CDH26: variants seen among roughly 807,000 people sequenced by gnomAD.
The protein encoded by CDH26 is cadherin-like protein 26.
In CDH26, 83 loss-of-function variants were observed where a neutral mutation model predicts 90.3. The observed-to-expected ratio is 0.92, with a 90% CI of 0.77 to 1.10. The LOEUF (loss-of-function observed/expected upper bound fraction) is 1.10, where lower values mean the gene tolerates loss of function less well. Among genes scored for constraint, CDH26 ranks in the 50% least tolerant of loss-of-function variants. The pLI is 0.00. For missense variants in CDH26, 1,013 were observed against 1,037.6 expected (o/e 0.98, Z 0.33); for synonymous variants, 397 against 396.3 (o/e 1.00, Z -0.02).
intron 1 of CDH26, among the ~76,000 whole-genome samples, chr20:59,960,957 T>TAATAGGGGG (rs1385397035): frequency 6.6e-6 from 1 of 152,120 alleles, no homozygotes; most frequent in Non-Finnish European, 1.5e-5. Context: ...CCAATAAACA[T>TAATAGGGGG]AATAGGGGGA....
chr20:59,996,881 G>C (rs2061605239), intron 13 of CDH26, 120 bp downstream of exon 13: 1 of 1,322,068 alleles, frequency 7.6e-7, no homozygotes, highest in Non-Finnish European at 1.0e-6. Flanking sequence ...CCGTGTTTCA[G>C]TAGCAAGTGG....
chr20:59,994,142 G>C, intron 10 of CDH26, 108 bp from the exon 11 acceptor site: 1 of 1,401,930 alleles, frequency 7.1e-7, no homozygotes, highest in Non-Finnish European at 9.8e-7. Flanking sequence ...AAGGGAAACA[G>C]TTCCAGTATT....
At chr20:59,960,646 A>C (rs2061057865) in intron 1 of CDH26, among the ~76,000 whole-genome samples, 1 of 152,254 alleles carries the variant, frequency 6.6e-6, no homozygotes. Flanking sequence ...TTGTAGCCAA[A>C]GATAATTATT....
At chr20:59,983,962 T>C (rs1158173780) in intron 5 of CDH26, among the ~76,000 whole-genome samples, 1 of 152,234 alleles carries the variant, frequency 6.6e-6, no homozygotes, top group Non-Finnish European at 1.5e-5. Context: ...ATTTATGTTT[T>C]TTTGCCACTT....
chr20:59,965,180 G>A (rs756942514), intron 1 of CDH26, among the ~76,000 whole-genome samples: 3 of 152,054 alleles, frequency 2.0e-5, no homozygotes, highest in East Asian at 1.9e-4. Flanking sequence ...AAATATTATC[G>A]TTAGCCCTGA....
chr20:60,027,169 A>T (rs527476115), intron 7 of CDH26, among the ~76,000 whole-genome samples: 1 of 151,796 alleles, frequency 6.6e-6, no homozygotes, highest in Non-Finnish European at 1.5e-5. Context: ...TGATCACAAG[A>T]CTCTGATTCT....
intron 8 of CDH26, among the ~76,000 whole-genome samples, chr20:60,032,065 A>G (rs1194186143): frequency 6.6e-6 from 1 of 152,258 alleles, no homozygotes; most frequent in Non-Finnish European, 1.5e-5. Flanking sequence ...TTCAATAACT[A>G]TCATTATTAA....
chr20:59,967,004 T>TAA (rs11472041), intron 1 of CDH26, among the ~76,000 whole-genome samples: 17,796 of 151,834 alleles, frequency 0.12, 2,008 homozygotes, highest in African/African-American at 0.3. Context: ...AAAATAATAA[T>TAA]GTTATGGGAT....
In CDH26 at chr20:60,006,797, G is replaced by T; in HGVS notation, c.2295+10G>T. 1.2e-6 allele frequency: 2 copies of T among 1,609,856 alleles called. No homozygotes were observed. The highest frequency in any genetic ancestry group is 1.7e-6 in the Non-Finnish European group (2 of 1,176,090). On this transcript the variant is annotated intron_variant, in intron 17 of 17. Transcript: ENST00000348616. ...AGAGACATTGAATCAGGTAGGGAGAGCTCCCCTTGTGCTGTGCACTAGCTA... is the reference window on the plus strand; with the variant it reads ...AGAGACATTGAATCAGGTAGGGAGATCTCCCCTTGTGCTGTGCACTAGCTA...
At chr20:60,031,446 T>C (rs2062039376) in intron 8 of CDH26, 2 of 1,093,338 alleles carry the variant, frequency 1.8e-6, no homozygotes, top group Non-Finnish European at 2.3e-6. Context: ...TCTATATTTT[T>C]GCATGTACTA....
In CDH26 at chr20:59,958,643, G is replaced by A. The variant is rs2061027727; in HGVS notation, c.-84G>A. 3 of 1,287,774 alleles carry A rather than the reference G, an allele frequency of 2.3e-6. No homozygotes were observed. The highest frequency in any genetic ancestry group is 2.2e-6 in the Non-Finnish European group (2 of 889,342). The allele number at this position is 1,287,774 out of a possible 1,614,324, so 79.8% of individuals were successfully genotyped here. A position where few individuals can be genotyped will look rare whatever the true frequency, so the allele number is the denominator to read the frequency against. On this transcript the variant is annotated 5_prime_UTR_variant, in exon 1 of 18. Transcript: ENST00000348616. Reference sequence around the variant, plus strand: ...TAGAGAAGAAGCTGCTGGCTGAGAAGGAGGTGTGTGGCTCCGGTGAGACCA... The same window carrying A: ...TAGAGAAGAAGCTGCTGGCTGAGAAAGAGGTGTGTGGCTCCGGTGAGACCA...
chr20:60,011,446 G>A (rs140278043), intron 17 of CDH26, among the ~76,000 whole-genome samples: 16 of 152,274 alleles, frequency 1.1e-4, no homozygotes, highest in African/African-American at 3.6e-4. Flanking sequence ...TGAAATATAC[G>A]ATAAAATGGC....
chr20:60,006,594 C>T, intron 16 of CDH26, 119 bp from the exon 17 acceptor site: 2 of 710,420 alleles, frequency 2.8e-6, no homozygotes, highest in Non-Finnish European at 5.0e-6. Flanking sequence ...CCTGGCTCTT[C>T]ACCTCCAAGA....
intron 4 of CDH26, among the ~76,000 whole-genome samples, chr20:59,980,084 T>G (rs1347635647): frequency 1.3e-5 from 2 of 152,216 alleles, no homozygotes; most frequent in African/African-American, 4.8e-5. Context: ...ATTAGAAACG[T>G]ATAAGAATTC....
intron 1 of CDH26, among the ~76,000 whole-genome samples, chr20:59,968,311 G>A (rs987818117): frequency 6.6e-6 from 1 of 151,824 alleles, no homozygotes; most frequent in African/African-American, 2.4e-5. Context: ...TTGGTTAGTT[G>A]CTCTCGAACT....
intron 7 of CDH26, 80 bp downstream of exon 7, chr20:59,985,209 G>T: frequency 6.5e-7 from 1 of 1,545,030 alleles, no homozygotes; most frequent in South Asian, 1.1e-5. Flanking sequence ...TTCTCAGAGA[G>T]GGTGTTAGGC....
At chr20:59,989,218 C>A (rs530339177) in intron 9 of CDH26, 55 bp downstream of exon 9, 43 of 1,597,900 alleles carry the variant, frequency 2.7e-5, no homozygotes, top group Non-Finnish European at 3.4e-5. Flanking sequence ...GCCACATAAC[C>A]AAGAGGGCTC....
intron 17 of CDH26, 116 bp from the exon 18 acceptor site, chr20:60,012,411 C>T (rs965023765): frequency 3.4e-5 from 31 of 905,832 alleles, no homozygotes; most frequent in South Asian, 6.9e-5. Flanking sequence ...GCTGAGGACA[C>T]GGGGCCTGAG....
intron 16 of CDH26, among the ~76,000 whole-genome samples, chr20:60,005,896 C>T (rs373670385): frequency 6.6e-6 from 1 of 152,172 alleles, no homozygotes; most frequent in East Asian, 1.9e-4. Context: ...ACCATCCCAG[C>T]ACCCCACCTC....
Sources: allele counts gnomAD v4.1 joint callset (sites outside exome capture counted in the v4.1 genomes callset), GRCh38; gene constraint gnomAD v4.1.1; transcripts MANE v1.5; gene names NCBI Gene and HGNC (gene_info 2026-07-23, HGNC 2026-07-21).